The following NDUFAF2 variants were observed in gnomAD, a reference collection of about 807,000 sequenced individuals.
NDUFAF2 encodes NADH:ubiquinone oxidoreductase complex assembly factor 2, also known as NADH dehydrogenase [ubiquinone] 1 alpha subcomplex assembly factor 2.
NDUFAF2 carries 13 observed loss-of-function variants against 22.8 expected under a neutral mutation model. The observed-to-expected ratio is 0.57, with a 90% CI of 0.37 to 0.91. The LOEUF (loss-of-function observed/expected upper bound fraction) is 0.91, where lower values mean the gene tolerates loss of function less well. Ranked by LOEUF, NDUFAF2 falls within the 40% of genes least tolerant of loss-of-function variation. NDUFAF2 has a pLI of 0.01. For synonymous variants in NDUFAF2, 53 were observed against 64.2 expected (o/e 0.83, Z 0.84); for missense variants, 162 against 195.2 (o/e 0.83, Z 1.01).
intron 1 of NDUFAF2, among the ~76,000 whole-genome samples, chr5:60,947,611 C>G (rs897416339): frequency 6.6e-6 from 1 of 151,796 alleles, no homozygotes; most frequent in African/African-American, 2.4e-5. Context: ...ACTAAAAATA[C>G]AAAAATTAGC....
chr5:60,991,829 G>T (rs947088747), intron 1 of NDUFAF2, among the ~76,000 whole-genome samples: 1 of 152,136 alleles, frequency 6.6e-6, no homozygotes, highest in Non-Finnish European at 1.5e-5. Context: ...GGATTGCCAG[G>T]TCGTATGGTG....
intron 3 of NDUFAF2, among the ~76,000 whole-genome samples, chr5:61,143,869 A>G (rs1001128598): frequency 6.6e-6 from 1 of 152,058 alleles, no homozygotes; most frequent in Non-Finnish European, 1.5e-5. Flanking sequence ...CTTGGAATTC[A>G]CAAGTACTTG....
At chr5:61,152,668 A>C in intron 3 of NDUFAF2, 36 bp from the exon 4 acceptor site, 4 of 1,410,384 alleles carry the variant, frequency 2.8e-6, no homozygotes, top group Non-Finnish European at 2.8e-6. Flanking sequence ...TTTAACTAGA[A>C]ATTTAATAAT....
At chr5:61,098,451 G>A (rs1248034151) in intron 2 of NDUFAF2, among the ~76,000 whole-genome samples, 1 of 152,206 alleles carries the variant, frequency 6.6e-6, no homozygotes, top group African/African-American at 2.4e-5. Flanking sequence ...CTTAACAAAT[G>A]TGGGCTCTAT....
intron 1 of NDUFAF2, among the ~76,000 whole-genome samples, chr5:61,041,477 A>G (rs1339661368): frequency 1.3e-5 from 2 of 152,166 alleles, no homozygotes; most frequent in Non-Finnish European, 2.9e-5. Flanking sequence ...TTAAATTCTT[A>G]CAGGCTAAGA....
In NDUFAF2 at chr5:61,073,176, T is replaced by C. The variant is rs1752322772; in HGVS notation, c.179T>C (p.Val60Ala). ...RIVEAANKKE[V>A]DYEAGDIPTE... ...GTAGAAGCAGCAAATAAAAAAGAAGTAGACTATGAAGCAGGGGATATTCCA... is the reference window on the plus strand; with the variant it reads ...GTAGAAGCAGCAAATAAAAAAGAAGCAGACTATGAAGCAGGGGATATTCCA... Residue 60 changes from valine to alanine, a missense_variant, in exon 2 of 4, where the codon GTA (valine) becomes GCA (alanine). Physicochemically the swap from Val to Ala is moderately conservative, Grantham distance 64 (BLOSUM62 0). Transcript: ENST00000296597. 1 of 1,613,364 alleles carries C rather than the reference T, an allele frequency of 6.2e-7. No homozygotes were observed. The highest frequency in any genetic ancestry group is 8.5e-7 in the Non-Finnish European group (1 of 1,179,506).
intron 3 of NDUFAF2, among the ~76,000 whole-genome samples, chr5:61,107,935 C>A (rs1467810919): frequency 6.7e-6 from 1 of 149,404 alleles, no homozygotes; most frequent in African/African-American, 2.5e-5. Flanking sequence ...TTTGTTCTTG[C>A]GATAGTTTAC....
rs753215899 is a variant in NDUFAF2, at chr5:60,945,335, A to C, written c.80A>C (p.Gln27Pro). ...REVKEHVGTD[Q>P]FGNKYYYIPQ... ...GTGAAGGAGCACGTGGGCACGGACCAATTCGGGAACAAATACTACTACATC... is the reference window on the plus strand; with the variant it reads ...GTGAAGGAGCACGTGGGCACGGACCCATTCGGGAACAAATACTACTACATC... The change falls in exon 1 of 4, where the codon CAA becomes CCA. Residue 27 changes from glutamine (Q) to proline (P), a missense_variant. Transcript: ENST00000296597. 2 of 1,614,050 alleles carry C rather than the reference A, an allele frequency of 1.2e-6. No homozygotes were observed. Among genetic ancestry groups the C allele is most frequent in the African/African-American group, 2.7e-5 (2 of 74,938 alleles).
At chr5:60,995,052 A>T in intron 1 of NDUFAF2, among the ~76,000 whole-genome samples, 1 of 150,548 alleles carries the variant, frequency 6.6e-6, no homozygotes, top group Non-Finnish European at 1.5e-5. Flanking sequence ...TAATTATTTC[A>T]CTCTCTTTGT....
intron 2 of NDUFAF2, among the ~76,000 whole-genome samples, chr5:61,094,897 G>A (rs1003330221): frequency 6.6e-6 from 1 of 152,144 alleles, no homozygotes; most frequent in Admixed American, 6.5e-5. Flanking sequence ...CTTGTAGGAG[G>A]GGGCTAGAGA....
chr5:61,064,137 C>G (rs1191228712), intron 1 of NDUFAF2, among the ~76,000 whole-genome samples: 1 of 151,898 alleles, frequency 6.6e-6, no homozygotes, highest in African/African-American at 2.4e-5. Flanking sequence ...AAAACTATTG[C>G]AAGAAACAAA....
intron 1 of NDUFAF2, among the ~76,000 whole-genome samples, chr5:61,040,270 A>G (rs1751855233): frequency 1.7e-5 from 2 of 119,292 alleles, no homozygotes; most frequent in African/African-American, 7.8e-5. Context: ...ACACACACAC[A>G]CACACACACA....
intron 3 of NDUFAF2, among the ~76,000 whole-genome samples, chr5:61,113,113 ATTATTGT>A (rs1408329633): frequency 6.6e-6 from 1 of 152,106 alleles, no homozygotes; most frequent in Non-Finnish European, 1.5e-5. Flanking sequence ...GTCTTGAAAG[ATTATTGT>A]AGTTATTATT....
chr5:61,018,213 G>A (rs1289910934), intron 1 of NDUFAF2, among the ~76,000 whole-genome samples: 1 of 152,150 alleles, frequency 6.6e-6, no homozygotes, highest in Non-Finnish European at 1.5e-5. Flanking sequence ...GCTACCGGGT[G>A]TGTCTTCCTA....
At position 61,073,457 on chromosome 5, in the gene NDUFAF2, G is replaced by T. The variant is rs376712543; in HGVS notation, c.217+243G>T. On this transcript the variant is annotated intron_variant, in intron 2 of 3. Coordinates refer to ENST00000296597, the MANE Select transcript of NDUFAF2 (RefSeq NM_174889.5). ...AAGCATTATCAGAGCTGAGACTAAG[G>T]TGAGGCAAGCCAAAATCCTAAGATG... Among the ~76,000 whole-genome samples, 28 of 152,290 alleles carry T rather than the reference G, an allele frequency of 1.8e-4. No homozygotes were observed. In the South Asian group the frequency reaches 5.6e-3, roughly 30 times the overall value.
intron 1 of NDUFAF2, among the ~76,000 whole-genome samples, chr5:60,965,897 C>T (rs1225536137): frequency 2.0e-5 from 3 of 152,062 alleles, no homozygotes; most frequent in Non-Finnish European, 2.9e-5. Context: ...AGTGGGATTG[C>T]TAGATCATAT....
intron 3 of NDUFAF2, among the ~76,000 whole-genome samples, chr5:61,108,208 A>G (rs1444402671): frequency 1.3e-5 from 2 of 148,904 alleles, no homozygotes; most frequent in Non-Finnish European, 2.9e-5. Context: ...TCCTTTGGGT[A>G]TATACCCAGT....
intron 1 of NDUFAF2, among the ~76,000 whole-genome samples, chr5:60,949,464 A>G (rs1449104824): frequency 6.6e-6 from 1 of 152,214 alleles, no homozygotes; most frequent in Non-Finnish European, 1.5e-5. Context: ...GAGTTTAGTT[A>G]CTTGCAGTTT....
At chr5:61,005,131 CCT>C in intron 1 of NDUFAF2, among the ~76,000 whole-genome samples, 1 of 152,174 alleles carries the variant, frequency 6.6e-6, no homozygotes, top group East Asian at 1.9e-4. Context: ...TGTTCCCCAC[CCT>C]GTGTCCAAGT....
Sources: allele counts gnomAD v4.1 joint callset (sites outside exome capture counted in the v4.1 genomes callset), GRCh38; gene constraint gnomAD v4.1.1; transcripts MANE v1.5; gene names NCBI Gene and HGNC (gene_info 2026-07-23, HGNC 2026-07-21).